DNAH14: variants seen among roughly 807,000 people sequenced by gnomAD.
The protein encoded by DNAH14 is axonemal beta dynein heavy chain 14.
A neutral mutation model predicts 520.9 loss-of-function variants in DNAH14; 478 were observed. The ratio of observed to expected loss-of-function variants is 0.92; its 90% CI spans 0.85 to 0.99. DNAH14 has a LOEUF of 0.99. Among genes scored for constraint, DNAH14 ranks in the 50% least tolerant of loss-of-function variants. The pLI, the probability that DNAH14 is intolerant of heterozygous loss-of-function variation, is 0.00. For synonymous variants in DNAH14, 1,581 were observed against 1,757.2 expected, an observed-to-expected ratio of 0.90 and a Z score of 2.51; for missense variants, 4,831 against 5,234.5, an observed-to-expected ratio of 0.92 and a Z score of 2.38.
At chr1:225,046,152 T>C (rs2067939840) in intron 15 of DNAH14, among the ~76,000 whole-genome samples, 1 of 151,606 alleles carries the variant, frequency 6.6e-6, no homozygotes, top group Non-Finnish European at 1.5e-5. Context: ...TATATATGTG[T>C]GTATATATAT....
chr1:225,280,477 T>TA (rs1212233201), intron 54 of DNAH14, among the ~76,000 whole-genome samples: 1 of 151,928 alleles, frequency 6.6e-6, no homozygotes, highest in Non-Finnish European at 1.5e-5. Context: ...TGGGTGCCTG[T>TA]AGTCCCAGCT....
chr1:225,169,310 A>G (rs1231564487), intron 36 of DNAH14, among the ~76,000 whole-genome samples: 2 of 151,562 alleles, frequency 1.3e-5, no homozygotes, highest in Non-Finnish European at 2.9e-5. Context: ...GACTTTGACG[A>G]GTTGAGAGAA....
intron 56 of DNAH14, among the ~76,000 whole-genome samples, chr1:225,301,410 G>A (rs1256009111): frequency 6.6e-6 from 1 of 152,122 alleles, no homozygotes; most frequent in Non-Finnish European, 1.5e-5. Context: ...CAAGAAACAA[G>A]AATCATTTCA....
intron 31 of DNAH14, among the ~76,000 whole-genome samples, chr1:225,148,495 G>A (rs1407485043): frequency 1.4e-5 from 2 of 145,238 alleles, no homozygotes; most frequent in East Asian, 2.1e-4. Flanking sequence ...TCCGCCTCCC[G>A]GGTTTAAGCA....
At chr1:225,045,454 T>C (rs942542231) in intron 15 of DNAH14, among the ~76,000 whole-genome samples, 2 of 152,116 alleles carry the variant, frequency 1.3e-5, no homozygotes, top group African/African-American at 4.8e-5. Flanking sequence ...TCCCTAATGT[T>C]CATTTTCTGT....
intron 83 of DNAH14, among the ~76,000 whole-genome samples, chr1:225,390,579 G>A (rs1311914117): frequency 6.6e-6 from 1 of 152,042 alleles, no homozygotes; most frequent in Non-Finnish European, 1.5e-5. Context: ...TACTTGTGGA[G>A]CATAAAACAG....
chr1:225,214,424 A>C (rs1398344894), intron 41 of DNAH14, among the ~76,000 whole-genome samples: 4 of 152,184 alleles, frequency 2.6e-5, no homozygotes, highest in African/African-American at 9.7e-5. Flanking sequence ...TGGCCTCATA[A>C]AATGAATTAG....
At chr1:225,056,373 A>G (rs888968567) in intron 17 of DNAH14, among the ~76,000 whole-genome samples, 4 of 151,862 alleles carry the variant, frequency 2.6e-5, no homozygotes, top group Admixed American at 2.6e-4. Context: ...CCACTTTTTG[A>G]TGGGGTTGTT....
intron 79 of DNAH14, among the ~76,000 whole-genome samples, chr1:225,378,502 A>T (rs1167527866): frequency 6.6e-6 from 1 of 152,232 alleles, no homozygotes; most frequent in Non-Finnish European, 1.5e-5. Flanking sequence ...GCACTGTTGG[A>T]CTAAATACTT....
At chr1:225,107,618 G>A (rs1426657942) in intron 23 of DNAH14, among the ~76,000 whole-genome samples, 1 of 152,082 alleles carries the variant, frequency 6.6e-6, no homozygotes, top group Non-Finnish European at 1.5e-5. Context: ...ACAGAGGCAG[G>A]GGCTCTCCAA....
chr1:225,397,458 G>A (rs2096030265), intron 84 of DNAH14: 1 of 152,702 alleles, frequency 6.5e-6, no homozygotes, highest in Non-Finnish European at 1.5e-5. Context: ...GGAGAGCTCA[G>A]GACAGCGGTG....
At chr1:225,270,366 A>G (rs1227974883) in intron 49 of DNAH14, among the ~76,000 whole-genome samples, 1 of 151,376 alleles carries the variant, frequency 6.6e-6, no homozygotes, top group Non-Finnish European at 1.5e-5. Flanking sequence ...AGATATACCT[A>G]ATGTAAATGA....
chr1:224,945,006 A>G (rs2489303), intron 1 of DNAH14, among the ~76,000 whole-genome samples: 31,655 of 151,876 alleles, frequency 0.21, 4,419 homozygotes, highest in African/African-American at 0.39. Context: ...TCTTTGTGGC[A>G]TTCTCTGTAT....
intron 28 of DNAH14, among the ~76,000 whole-genome samples, chr1:225,141,616 TG>T (rs2149029248): frequency 6.6e-6 from 1 of 152,288 alleles, no homozygotes; most frequent in South Asian, 2.1e-4. Flanking sequence ...CTTCCTGACC[TG>T]ATTAGGCCCT....
At chr1:225,331,741 C>G (rs1385493106) in intron 65 of DNAH14, among the ~76,000 whole-genome samples, 164 bp downstream of exon 65, 1 of 152,164 alleles carries the variant, frequency 6.6e-6, no homozygotes, top group Non-Finnish European at 1.5e-5. Context: ...TAAAGAAATC[C>G]TGTTTGAGTC....
At chr1:224,947,975 T>C (rs762166775) in intron 1 of DNAH14, among the ~76,000 whole-genome samples, 4 of 152,086 alleles carry the variant, frequency 2.6e-5, no homozygotes, top group Non-Finnish European at 5.9e-5. Context: ...AACTATGCCA[T>C]ATGTGCTTAA....
At chr1:225,007,677 C>T in intron 10 of DNAH14, 133 bp downstream of exon 10, 1 of 577,100 alleles carries the variant, frequency 1.7e-6, no homozygotes, top group Non-Finnish European at 2.7e-6. Context: ...AACCAACTAA[C>T]TGGTACTATG....
At chr1:225,064,984 A>G (rs1308215005) in intron 17 of DNAH14, among the ~76,000 whole-genome samples, 1 of 152,042 alleles carries the variant, frequency 6.6e-6, no homozygotes, top group Admixed American at 6.6e-5. Flanking sequence ...ATTAATGTAG[A>G]TACCCTGTCT....
intron 66 of DNAH14, among the ~76,000 whole-genome samples, chr1:225,335,240 T>TATATATGC (rs2094915375): frequency 7.2e-6 from 1 of 138,038 alleles, no homozygotes; most frequent in South Asian, 2.4e-4. Flanking sequence ...TACACATGTG[T>TATATATGC]ACATTGTGTG....
Sources: gnomAD v4.1 joint callset for allele counts (sites outside exome capture counted in the v4.1 genomes callset) on GRCh38, gnomAD v4.1.1 for gene constraint, MANE v1.5 for transcripts, NCBI Gene and HGNC (gene_info 2026-07-23, HGNC 2026-07-21) for gene names.